KCNH8: variants seen among roughly 807,000 people sequenced by gnomAD.
KCNH8 encodes the protein potassium voltage-gated channel subfamily H member 8.
In KCNH8, 70 loss-of-function variants were observed where a neutral mutation model predicts 103.6. The ratio of observed to expected loss-of-function variants is 0.68; its 90% CI spans 0.56 to 0.82. The LOEUF (loss-of-function observed/expected upper bound fraction) is 0.82. KCNH8 is among the 40% of genes least tolerant of loss of function. KCNH8 has a pLI of 0.00. For missense variants in KCNH8, 1,217 were observed against 1,329.9 expected, an observed-to-expected ratio of 0.92 and a Z score of 1.32; for synonymous variants, 498 against 489.4, an observed-to-expected ratio of 1.02 and a Z score of -0.23.
intron 5 of KCNH8, among the ~76,000 whole-genome samples, chr3:19,365,612 G>A (rs928163449): frequency 3.3e-5 from 5 of 151,960 alleles, no homozygotes; most frequent in African/African-American, 7.3e-5. Flanking sequence ...AAGCAAATAC[G>A]TACTGAGTGC....
At chr3:19,397,524 TG>T (rs1253891713) in intron 7 of KCNH8, among the ~76,000 whole-genome samples, 1 of 149,646 alleles carries the variant, frequency 6.7e-6, no homozygotes, top group Non-Finnish European at 1.5e-5. Context: ...TATATACGTG[TG>T]TATATATACA....
chr3:19,165,078 T>G (rs1206210486), intron 1 of KCNH8, among the ~76,000 whole-genome samples: 1 of 152,126 alleles, frequency 6.6e-6, no homozygotes, highest in African/African-American at 2.4e-5. Flanking sequence ...CTGTCTTGAT[T>G]GTGGTGGTTT....
chr3:19,529,160 AG>A (rs1417690984), intron 15 of KCNH8, among the ~76,000 whole-genome samples: 1 of 152,126 alleles, frequency 6.6e-6, no homozygotes, highest in East Asian at 1.9e-4. Context: ...GGGTTTGTGA[AG>A]GGCTTTGTAT....
intron 1 of KCNH8, among the ~76,000 whole-genome samples, chr3:19,221,553 C>G (rs1266105102): frequency 6.6e-6 from 1 of 151,956 alleles, no homozygotes; most frequent in Non-Finnish European, 1.5e-5. Flanking sequence ...CATCTTCACT[C>G]CTAATTTATT....
chr3:19,270,054 A>G (rs2064566676), intron 2 of KCNH8, among the ~76,000 whole-genome samples: 1 of 152,118 alleles, frequency 6.6e-6, no homozygotes, highest in African/African-American at 2.4e-5. Context: ...TCAAGAATTA[A>G]TTCCTAGTGT....
rs1360503049 is a variant in KCNH8 at position 19,451,307 on chromosome 3, G to A, written c.1728G>A (p.Glu576=). 6.2e-7 allele frequency: 1 copy of A among 1,613,896 alleles called. No homozygotes were observed. Among genetic ancestry groups the A allele is most frequent in the Non-Finnish European group, 8.5e-7 (1 of 1,179,876 alleles). Residue 576 remains glutamate (E), a synonymous_variant, in exon 10 of 16, where the codon GAG becomes GAA. Coordinates refer to ENST00000328405, the MANE Select transcript of KCNH8 (RefSeq NM_144633.3). ...AAACCTCTTTCTGTGCTCCGGGGGA[G>A]TATCTGCTGCGTCAAGGGGATGCTT... ...HIKTSFCAPG[E]YLLRQGDALQ...
chr3:19,524,623 C>T (rs575538936), intron 15 of KCNH8, among the ~76,000 whole-genome samples: 114 of 151,854 alleles, frequency 7.5e-4, no homozygotes, highest in Non-Finnish European at 1.5e-3. Flanking sequence ...CAGAAAGCTT[C>T]TCCTGTGAGG....
chr3:19,201,147 G>A (rs2063655732), intron 1 of KCNH8, among the ~76,000 whole-genome samples: 2 of 128,480 alleles, frequency 1.6e-5, no homozygotes, highest in East Asian at 2.7e-4. Context: ...CATGAGAATC[G>A]TTTGAACCTG....
chr3:19,248,803 C>T (rs564123843), intron 1 of KCNH8, among the ~76,000 whole-genome samples: 36 of 152,182 alleles, frequency 2.4e-4, no homozygotes, highest in Non-Finnish European at 3.4e-4. Flanking sequence ...CATTCCTACC[C>T]GCATTCTCTT....
intron 3 of KCNH8, among the ~76,000 whole-genome samples, chr3:19,341,594 T>C (rs1323620701): frequency 6.6e-6 from 1 of 152,154 alleles, no homozygotes; most frequent in African/African-American, 2.4e-5. Flanking sequence ...ATTACTTTCG[T>C]ATACAAAGAG....
intron 7 of KCNH8, among the ~76,000 whole-genome samples, chr3:19,412,949 A>G (rs1001333433): frequency 2.6e-5 from 4 of 152,094 alleles, no homozygotes; most frequent in African/African-American, 9.6e-5. Flanking sequence ...TGTGGAAAGC[A>G]GTTTGGAAAT....
At chr3:19,499,158 G>C (rs974158706) in intron 11 of KCNH8, among the ~76,000 whole-genome samples, 2 of 152,192 alleles carry the variant, frequency 1.3e-5, no homozygotes, top group Admixed American at 6.5e-5. Flanking sequence ...AGCCTCAGGA[G>C]CCAATGCGAT....
chr3:19,500,524 C>T (rs929139965), intron 11 of KCNH8, among the ~76,000 whole-genome samples: 3 of 152,100 alleles, frequency 2.0e-5, no homozygotes, highest in Non-Finnish European at 1.5e-5. Context: ...TGACCACGTA[C>T]TTGGAAGTAA....
intron 11 of KCNH8, among the ~76,000 whole-genome samples, chr3:19,465,214 C>T (rs2067711142): frequency 6.6e-6 from 1 of 152,126 alleles, no homozygotes; most frequent in Non-Finnish European, 1.5e-5. Flanking sequence ...TCATTAGGAG[C>T]TAATGTAGCT....
chr3:19,243,628 G>A (rs1298273125), intron 1 of KCNH8, among the ~76,000 whole-genome samples: 1 of 152,082 alleles, frequency 6.6e-6, no homozygotes, highest in Non-Finnish European at 1.5e-5. Context: ...ATGGAGAAAG[G>A]TCAGTCCACT....
chr3:19,464,885 G>A (rs147544017), intron 11 of KCNH8, among the ~76,000 whole-genome samples: 29 of 152,006 alleles, frequency 1.9e-4, no homozygotes, highest in African/African-American at 6.8e-4. Context: ...ATTGCTCATA[G>A]TAAAATAATT....
chr3:19,530,121 G>T (rs966798999), intron 15 of KCNH8, among the ~76,000 whole-genome samples: 1 of 152,106 alleles, frequency 6.6e-6, no homozygotes, highest in Non-Finnish European at 1.5e-5. Flanking sequence ...TCTCATGGAG[G>T]TAGAGAGTAG....
intron 5 of KCNH8, among the ~76,000 whole-genome samples, chr3:19,366,524 T>C (rs1226461997): frequency 1.3e-5 from 2 of 152,104 alleles, no homozygotes; most frequent in African/African-American, 4.8e-5. Flanking sequence ...AATGGAATGT[T>C]ACTAAATTTA....
In KCNH8 at chr3:19,342,589, A is replaced by G. The variant is rs1262955107; in HGVS notation, c.445A>G (p.Lys149Glu). 1 of 1,609,428 alleles carries G rather than the reference A, an allele frequency of 6.2e-7. No individual in the cohort carries two copies. Among genetic ancestry groups the G allele is most frequent in the Non-Finnish European group, 8.5e-7 (1 of 1,176,988 alleles). The change falls in exon 4 of 16, where the codon AAA becomes GAA. Residue 149 changes from lysine to glutamate, a missense_variant and splice_region_variant. Coordinates refer to ENST00000328405, the MANE Select transcript of KCNH8 (RefSeq NM_144633.3). ...KITPEDKKED[K>E]VKGRSRAGTH... ...TAATGAGTTTTATTTTCCCCCAGACAAAGTCAAAGGAAGATCAAGAGCAGG... is the reference window on the plus strand; with the variant it reads ...TAATGAGTTTTATTTTCCCCCAGACGAAGTCAAAGGAAGATCAAGAGCAGG...
Sources: gnomAD v4.1 joint callset for allele counts (sites outside exome capture counted in the v4.1 genomes callset) on GRCh38, gnomAD v4.1.1 for gene constraint, MANE v1.5 for transcripts, NCBI Gene and HGNC (gene_info 2026-07-23, HGNC 2026-07-21) for gene names.